TMEM45B: variants seen among roughly 807,000 people sequenced by gnomAD.
The protein encoded by TMEM45B is transmembrane protein 45B.
In TMEM45B, 29 loss-of-function variants were observed where a neutral mutation model predicts 27.3. That is an observed-to-expected ratio of 1.06 (90% CI 0.79 to 1.45). The LOEUF is 1.45. TMEM45B is among the 40% of genes most tolerant of loss of function. TMEM45B has a pLI of 0.00. For synonymous variants in TMEM45B, 143 were observed against 134.7 expected (o/e 1.06, Z -0.43); for missense variants, 348 against 343.9 (o/e 1.01, Z -0.09).
chr11:129,832,451 G>A (rs1947561288), intron 1 of TMEM45B, among the ~76,000 whole-genome samples: 1 of 151,850 alleles, frequency 6.6e-6, no homozygotes, highest in Non-Finnish European at 1.5e-5. Flanking sequence ...AGGGAAAGAG[G>A]CTGCCTCTTG....
Position 129,855,869 on chromosome 11 carries a change from C to T in TMEM45B, c.547C>T (p.Leu183Phe). The T allele has an allele frequency of 6.2e-7, 1 of 1,614,192 alleles. No individual in the cohort carries two copies. The highest frequency in any genetic ancestry group is 8.5e-7 in the Non-Finnish European group (1 of 1,180,040). ...LELFRTSLII[L>F]QGTWFWQIGF... ...ACTTTTCCGAACCAGTCTCATCATT[C>T]TTCAGGGAACCTGGTTCTGGCAGGT... is the stretch of plus-strand genomic sequence containing the variant. The change falls in exon 4 of 6, where the codon CTT becomes TTT. Residue 183 changes from leucine to phenylalanine, a missense_variant. By Grantham distance (22) the Leu-to-Phe change is conservative. Coordinates refer to ENST00000281441, the MANE Select transcript of TMEM45B (RefSeq NM_138788.5).
intron 1 of TMEM45B, among the ~76,000 whole-genome samples, chr11:129,816,440 C>T (rs1311827813): frequency 6.6e-6 from 1 of 152,104 alleles, no homozygotes. Context: ...TTTCCTGAGG[C>T]CAGGAAGCCT....
intron 1 of TMEM45B, among the ~76,000 whole-genome samples, chr11:129,831,451 A>G (rs1169485404): frequency 2.6e-5 from 4 of 152,224 alleles, no homozygotes; most frequent in Non-Finnish European, 5.9e-5. Context: ...GCGATGATTC[A>G]TATCCAGGGT....
chr11:129,854,453 G>A (rs574576969), intron 2 of TMEM45B, among the ~76,000 whole-genome samples, 157 bp from the exon 3 acceptor site: 1 of 152,330 alleles, frequency 6.6e-6, no homozygotes, highest in East Asian at 1.9e-4. Context: ...TTATACTGAA[G>A]CAGCTGCACC....
intron 1 of TMEM45B, among the ~76,000 whole-genome samples, chr11:129,826,771 G>T (rs1483042200): frequency 1.3e-5 from 2 of 148,830 alleles, no homozygotes; most frequent in African/African-American, 2.5e-5. Flanking sequence ...GCAGTGGCGC[G>T]ATCTCGGCTC....
Position 129,858,759 on chromosome 11 carries a change from C to A in TMEM45B, c.*74C>A. ...GGAGTTCATCCCCTCCACCTGAATG[C>A]CTGCTGTGGTCTGATCTTAAGGGTC... On this transcript the variant is annotated 3_prime_UTR_variant, in exon 6 of 6. Transcript: ENST00000281441. 1 of 1,110,920 alleles carries A rather than the reference C, an allele frequency of 9.0e-7. No homozygotes were observed. Among genetic ancestry groups the A allele is most frequent in the Admixed American group, 2.1e-5 (1 of 47,294 alleles). The allele number at this position is 1,110,920 out of a possible 1,614,324, so 68.8% of individuals were successfully genotyped here.
At chr11:129,849,504 C>A (rs1250249388) in intron 1 of TMEM45B, among the ~76,000 whole-genome samples, 4 of 152,222 alleles carry the variant, frequency 2.6e-5, no homozygotes, top group Admixed American at 2.6e-4. Context: ...CTACTGGGGG[C>A]TCTCTGCAGT....
At chr11:129,825,563 A>G (rs1304007571) in intron 1 of TMEM45B, among the ~76,000 whole-genome samples, 1 of 152,182 alleles carries the variant, frequency 6.6e-6, no homozygotes. Flanking sequence ...GGGAGTCACC[A>G]TTGTGCAAGT....
At position 129,834,043 on chromosome 11, in the gene TMEM45B, G is replaced by A. The variant is rs11822841; in HGVS notation, c.-9+18145G>A. Among the ~76,000 whole-genome samples, 1,102 of 152,318 alleles carry A rather than the reference G, an allele frequency of 7.2e-3. 7 individuals are homozygous for A. The highest frequency in any genetic ancestry group is 0.024 in the African/African-American group (1,018 of 41,572). On this transcript the variant is annotated intron_variant, in intron 1 of 5. Coordinates refer to ENST00000281441, the MANE Select transcript of TMEM45B (RefSeq NM_138788.5). ...AGAAATAGCGTGCTGTTGAGCAGAC[G>A]TGGCTTTGGAACTAAACAGTGAGTA...
intron 1 of TMEM45B, among the ~76,000 whole-genome samples, chr11:129,821,531 G>T (rs138408744): frequency 1.3e-5 from 2 of 151,946 alleles, no homozygotes; most frequent in Admixed American, 1.3e-4. Context: ...CTTAAAGAAG[G>T]CTCCCAAAAG....
intron 1 of TMEM45B, among the ~76,000 whole-genome samples, chr11:129,836,518 T>G (rs1947621985): frequency 6.6e-6 from 1 of 152,200 alleles, no homozygotes; most frequent in African/African-American, 2.4e-5. Context: ...ATTCAAATGT[T>G]GAAGTCTTAT....
At chr11:129,848,378 C>T (rs1466008162) in intron 1 of TMEM45B, among the ~76,000 whole-genome samples, 4 of 152,320 alleles carry the variant, frequency 2.6e-5, no homozygotes, top group East Asian at 1.9e-4. Context: ...TCAGGCGTGG[C>T]GGCGCGGGCC....
chr11:129,844,581 T>G (rs145077796), intron 1 of TMEM45B, among the ~76,000 whole-genome samples: 55 of 152,308 alleles, frequency 3.6e-4, no homozygotes, highest in Admixed American at 6.5e-4. Context: ...TAACTACTTA[T>G]GAGGCTGAGG....
chr11:129,845,738 C>A (rs936862707), intron 1 of TMEM45B, among the ~76,000 whole-genome samples: 1 of 152,088 alleles, frequency 6.6e-6, no homozygotes, highest in African/African-American at 2.4e-5. Context: ...CAGAGATTGT[C>A]AACTATGCAA....
In TMEM45B at chr11:129,859,020, T is replaced by C. The variant is rs566434627; in HGVS notation, c.*335T>C. On this transcript the variant is annotated 3_prime_UTR_variant, in exon 6 of 6. Transcript: ENST00000281441. ...AAGCTTTACAATGGAAGTGGCCTCA[T>C]GGATGAATCCGGGGTATGAGCCCAG... 1.9e-5 allele frequency: 3 copies of C among 158,164 alleles called. No individual in the cohort carries two copies. Among genetic ancestry groups the C allele is most frequent in the African/African-American group, 4.8e-5 (2 of 41,694 alleles). The allele number at this position is 158,164 out of a possible 1,614,324, so 9.8% of individuals were successfully genotyped here.
At chr11:129,838,271 G>C (rs555133691) in intron 1 of TMEM45B, among the ~76,000 whole-genome samples, 1 of 152,100 alleles carries the variant, frequency 6.6e-6, no homozygotes, top group Non-Finnish European at 1.5e-5. Flanking sequence ...AGGCTTGGTT[G>C]TGGGGCCATC....
chr11:129,828,098 G>A (rs1286992148), intron 1 of TMEM45B: 1 of 152,080 alleles, frequency 6.6e-6, no homozygotes, highest in African/African-American at 2.4e-5. Flanking sequence ...TAAACTCCTT[G>A]CAGATAAAAC....
chr11:129,827,212 G>A (rs1281966964), intron 1 of TMEM45B: 2 of 152,240 alleles, frequency 1.3e-5, no homozygotes, highest in Admixed American at 6.5e-5. Context: ...GGTGCTTAAC[G>A]ACAGGGACAT....
At chr11:129,855,970 C>G (rs1047626364) in intron 4 of TMEM45B, 78 bp downstream of exon 4, 1 of 1,530,316 alleles carries the variant, frequency 6.5e-7, no homozygotes, top group Non-Finnish European at 8.9e-7. Flanking sequence ...AAATCCCTGA[C>G]GAGAATATGG....
Sources: gnomAD v4.1 joint callset for allele counts (sites outside exome capture counted in the v4.1 genomes callset) on GRCh38, gnomAD v4.1.1 for gene constraint, MANE v1.5 for transcripts, NCBI Gene and HGNC (gene_info 2026-07-23, HGNC 2026-07-21) for gene names.